NYAP2: variants seen among roughly 807,000 people sequenced by gnomAD.
The protein encoded by NYAP2 is neuronal tyrosine-phosphorylated phosphoinositide-3-kinase adaptor 2.
NYAP2 carries 23 observed loss-of-function variants against 50.4 expected under a neutral mutation model. The ratio of observed to expected loss-of-function variants is 0.46; its 90% CI spans 0.33 to 0.65. The LOEUF (loss-of-function observed/expected upper bound fraction) is 0.65. Ranked by LOEUF, NYAP2 falls within the 30% of genes least tolerant of loss-of-function variation. The pLI, the probability that NYAP2 is intolerant of heterozygous loss-of-function variation, is 0.02. For missense variants in NYAP2, 885 were observed against 861.0 expected, an observed-to-expected ratio of 1.03 and a Z score of -0.35; for synonymous variants, 394 against 365.2, an observed-to-expected ratio of 1.08 and a Z score of -0.90.
At chr2:225,504,961 T>C (rs1023291128) in intron 3 of NYAP2, among the ~76,000 whole-genome samples, 1 of 151,720 alleles carries the variant, frequency 6.6e-6, no homozygotes, top group Non-Finnish European at 1.5e-5. Context: ...TGAGCCAAGA[T>C]TGCACCACTG....
intron 3 of NYAP2, among the ~76,000 whole-genome samples, chr2:225,474,143 G>A (rs1201673711): frequency 1.3e-5 from 2 of 152,038 alleles, no homozygotes; most frequent in Non-Finnish European, 2.9e-5. Context: ...TATTTCTGAG[G>A]GCTCTGTTCT....
intron 5 of NYAP2, among the ~76,000 whole-genome samples, chr2:225,623,870 C>T (rs770814080): frequency 1.3e-5 from 2 of 152,174 alleles, no homozygotes. Context: ...TGCTATACCA[C>T]GTATTAAAAT....
intron 6 of NYAP2, among the ~76,000 whole-genome samples, chr2:225,637,364 C>CT (rs1011814638): frequency 3.3e-5 from 5 of 152,174 alleles, no homozygotes; most frequent in African/African-American, 1.2e-4. Context: ...AGGCTGTTCT[C>CT]TAACTTCCTG....
At chr2:225,567,206 A>C (rs1275024899) in intron 4 of NYAP2, among the ~76,000 whole-genome samples, 1 of 152,164 alleles carries the variant, frequency 6.6e-6, no homozygotes, top group Non-Finnish European at 1.5e-5. Context: ...AACATAGAGA[A>C]GGTAGAGTAA....
At chr2:225,665,888 G>C in the NYAP2 span, among the ~76,000 whole-genome samples, 2 of 142,496 alleles carry the variant, frequency 1.4e-5, no homozygotes, top group Non-Finnish European at 3.0e-5. Context: ...AGGTGGCCTA[G>C]AGTAGAGCAC....
At chr2:225,505,523 C>T (rs1196283623) in intron 3 of NYAP2, among the ~76,000 whole-genome samples, 2 of 152,118 alleles carry the variant, frequency 1.3e-5, no homozygotes, top group Admixed American at 1.3e-4. Flanking sequence ...ATATATAAAG[C>T]AGTTAATTAT....
At chr2:225,667,793 T>C in the NYAP2 span, among the ~76,000 whole-genome samples, 1 of 152,032 alleles carries the variant, frequency 6.6e-6, no homozygotes, top group Non-Finnish European at 1.5e-5. Flanking sequence ...AACTACTTAA[T>C]AGAGATACCT....
chr2:225,690,765 T>C, the NYAP2 span, among the ~76,000 whole-genome samples: 1 of 152,128 alleles, frequency 6.6e-6, no homozygotes, highest in Non-Finnish European at 1.5e-5. Flanking sequence ...CTAGGTTTCA[T>C]CATTTCTGGT....
At chr2:225,461,157 C>G (rs1460205678) in intron 3 of NYAP2, among the ~76,000 whole-genome samples, 2 of 152,080 alleles carry the variant, frequency 1.3e-5, no homozygotes, top group Admixed American at 6.6e-5. Flanking sequence ...AAATAAATGC[C>G]AGATGCACCT....
chr2:225,521,428 A>G (rs1691055227), intron 4 of NYAP2, among the ~76,000 whole-genome samples: 1 of 151,400 alleles, frequency 6.6e-6, no homozygotes, highest in African/African-American at 2.4e-5. Flanking sequence ...GATAGCTCTT[A>G]TTATTTTGAG....
At chr2:225,510,663 G>A (rs906730272) in intron 3 of NYAP2, among the ~76,000 whole-genome samples, 2 of 152,066 alleles carry the variant, frequency 1.3e-5, no homozygotes. Context: ...ATCCAAATTT[G>A]TTTTTGTCCT....
intron 5 of NYAP2, among the ~76,000 whole-genome samples, chr2:225,594,489 C>T (rs951313344): frequency 1.3e-5 from 2 of 152,046 alleles, no homozygotes; most frequent in African/African-American, 4.8e-5. Context: ...TGCCACTGCA[C>T]TCCAGCCTGG....
At chr2:225,661,331 T>G in the NYAP2 span, among the ~76,000 whole-genome samples, 2 of 152,204 alleles carry the variant, frequency 1.3e-5, no homozygotes, top group Admixed American at 1.3e-4. Flanking sequence ...ACTAGAGATC[T>G]TTAGCACTAG....
downstream of NYAP2, among the ~76,000 whole-genome samples, chr2:225,658,992 C>A (rs945561096): frequency 2.0e-5 from 3 of 152,216 alleles, no homozygotes; most frequent in East Asian, 5.8e-4. Context: ...CTCTCAGTAA[C>A]TCCATTATAG....
At chr2:225,606,321 G>A (rs923572020) in intron 5 of NYAP2, among the ~76,000 whole-genome samples, 8 of 152,188 alleles carry the variant, frequency 5.3e-5, no homozygotes, top group Non-Finnish European at 1.0e-4. Context: ...CAAATTGCTG[G>A]TATAAATTTA....
intron 6 of NYAP2, among the ~76,000 whole-genome samples, chr2:225,647,009 G>T (rs1447576890): frequency 1.3e-5 from 2 of 152,046 alleles, no homozygotes; most frequent in Non-Finnish European, 2.9e-5. Context: ...CAATAAAAGG[G>T]GAAATTAATC....
the NYAP2 span, among the ~76,000 whole-genome samples, chr2:225,664,653 G>A: frequency 2.0e-5 from 3 of 152,128 alleles, no homozygotes; most frequent in Non-Finnish European, 4.4e-5. Flanking sequence ...TGGATCACGA[G>A]GTCAGGAGAT....
chr2:225,697,092 C>T, the NYAP2 span, among the ~76,000 whole-genome samples: 1 of 151,824 alleles, frequency 6.6e-6, no homozygotes, highest in Non-Finnish European at 1.5e-5. Flanking sequence ...TGGAAGCTTC[C>T]ACAACCTAGC....
chr2:225,539,545 G>C (rs1002463818), intron 4 of NYAP2, among the ~76,000 whole-genome samples: 1 of 152,146 alleles, frequency 6.6e-6, no homozygotes, highest in Non-Finnish European at 1.5e-5. Context: ...ATTCTAACTG[G>C]TGTGAGATGG....
Sources: gnomAD v4.1 joint callset for allele counts (sites outside exome capture counted in the v4.1 genomes callset) on GRCh38, gnomAD v4.1.1 for gene constraint, MANE v1.5 for transcripts, NCBI Gene and HGNC (gene_info 2026-07-23, HGNC 2026-07-21) for gene names.